The following LHFPL3 variants were observed in gnomAD, a reference collection of about 807,000 sequenced individuals.
LHFPL3 encodes LHFPL tetraspan subfamily member 3 protein.
In LHFPL3, 5 loss-of-function variants were observed where a neutral mutation model predicts 19.3. That is an observed-to-expected ratio of 0.26 (90% CI 0.14 to 0.54). LHFPL3 has a LOEUF of 0.54. LHFPL3 is among the 20% of genes least tolerant of loss of function. The pLI is 0.94. For missense variants in LHFPL3, 249 were observed against 307.4 expected (o/e 0.81, Z 1.42); for synonymous variants, 133 against 126.2 (o/e 1.05, Z -0.36).
intron 1 of LHFPL3, among the ~76,000 whole-genome samples, chr7:104,345,195 T>A (rs1264304913): frequency 6.6e-6 from 1 of 152,204 alleles, no homozygotes; most frequent in Non-Finnish European, 1.5e-5. Context: ...TGTGTTGGCA[T>A]AAAGCTGCTC....
At chr7:104,684,405 A>G (rs1358447387) in intron 1 of LHFPL3, among the ~76,000 whole-genome samples, 1 of 152,388 alleles carries the variant, frequency 6.6e-6, no homozygotes, top group Admixed American at 6.5e-5. Context: ...GACTGTTGCA[A>G]CTGCTCAATT....
intron 1 of LHFPL3, among the ~76,000 whole-genome samples, chr7:104,693,664 G>A (rs1279789958): frequency 2.6e-5 from 4 of 151,578 alleles, no homozygotes; most frequent in African/African-American, 7.3e-5. Flanking sequence ...CAAACATGAG[G>A]AACTGTGAGT....
intron 1 of LHFPL3, among the ~76,000 whole-genome samples, chr7:104,551,244 C>A (rs1020746314): frequency 6.6e-6 from 1 of 152,140 alleles, no homozygotes; most frequent in African/African-American, 2.4e-5. Context: ...GGCTTTATTT[C>A]TTTGAGCTTA....
At chr7:104,763,522 G>T (rs1794409922) in intron 2 of LHFPL3, among the ~76,000 whole-genome samples, 1 of 152,232 alleles carries the variant, frequency 6.6e-6, no homozygotes, top group African/African-American at 2.4e-5. Flanking sequence ...CAGACTCCCT[G>T]CAGTGCAGCC....
chr7:104,871,097 G>C (rs926065424), intron 2 of LHFPL3, among the ~76,000 whole-genome samples: 2 of 152,188 alleles, frequency 1.3e-5, no homozygotes, highest in Non-Finnish European at 2.9e-5. Context: ...ACAGGGATAT[G>C]TTCTGAGAAA....
At chr7:104,524,559 A>C (rs1308885962) in intron 1 of LHFPL3, among the ~76,000 whole-genome samples, 1 of 152,168 alleles carries the variant, frequency 6.6e-6, no homozygotes, top group Non-Finnish European at 1.5e-5. Context: ...GGCCTAGCCC[A>C]GTGCTTCTCA....
intron 2 of LHFPL3, among the ~76,000 whole-genome samples, chr7:104,797,974 C>T (rs1229080327): frequency 1.3e-5 from 2 of 151,836 alleles, no homozygotes; most frequent in Admixed American, 6.6e-5. Flanking sequence ...AATAACGTCA[C>T]GGCAGCAGCT....
chr7:104,672,644 TCTC>T (rs1420304131), intron 1 of LHFPL3, among the ~76,000 whole-genome samples: 1 of 152,194 alleles, frequency 6.6e-6, no homozygotes, highest in African/African-American at 2.4e-5. Flanking sequence ...GTGTGTTTCT[TCTC>T]CTTCTCTATC....
intron 2 of LHFPL3, among the ~76,000 whole-genome samples, chr7:104,851,487 G>A (rs1791413864): frequency 1.3e-5 from 2 of 152,142 alleles, no homozygotes; most frequent in Non-Finnish European, 2.9e-5. Flanking sequence ...GAAACTGCTA[G>A]GGAAAAAAAT....
At chr7:104,376,711 G>C (rs987889329) in intron 1 of LHFPL3, among the ~76,000 whole-genome samples, 1 of 152,040 alleles carries the variant, frequency 6.6e-6, no homozygotes. Context: ...TACACTTCAC[G>C]GGCCAGGCTC....
intron 1 of LHFPL3, among the ~76,000 whole-genome samples, chr7:104,725,432 A>G (rs534414702): frequency 1.2e-4 from 19 of 152,330 alleles, no homozygotes; most frequent in Admixed American, 2.6e-4. Context: ...TTTGTAAAAT[A>G]AAAATATTCA....
chr7:104,603,141 TCC>T (rs1791017266), intron 1 of LHFPL3, among the ~76,000 whole-genome samples: 25 of 33,500 alleles, frequency 7.5e-4, no homozygotes, highest in Admixed American at 3.1e-3. Context: ...TTTTTTCCCT[TCC>T]TTCCTTCCTT....
chr7:104,690,988 A>G (rs1007667097), intron 1 of LHFPL3, among the ~76,000 whole-genome samples: 4 of 152,236 alleles, frequency 2.6e-5, no homozygotes, highest in African/African-American at 9.6e-5. Flanking sequence ...GATGAATCAC[A>G]GCGGAGGCCT....
chr7:104,803,930 C>T (rs1246073566), intron 2 of LHFPL3: 1 of 152,162 alleles, frequency 6.6e-6, no homozygotes, highest in Admixed American at 6.5e-5. Flanking sequence ...AGGCTTCTGT[C>T]ATCATGTTAG....
intron 1 of LHFPL3, among the ~76,000 whole-genome samples, chr7:104,545,598 T>C (rs1369707852): frequency 6.6e-6 from 1 of 152,242 alleles, no homozygotes; most frequent in Non-Finnish European, 1.5e-5. Context: ...GAGTTTGTTC[T>C]GATTGGCTCC....
At chr7:104,863,035 G>C (rs1356508421) in intron 2 of LHFPL3, among the ~76,000 whole-genome samples, 2 of 152,182 alleles carry the variant, frequency 1.3e-5, no homozygotes, top group African/African-American at 4.8e-5. Context: ...ACACAGAGCT[G>C]GAGTGATCCT....
intron 1 of LHFPL3, among the ~76,000 whole-genome samples, chr7:104,678,237 T>C (rs911415601): frequency 6.6e-6 from 1 of 152,226 alleles, no homozygotes; most frequent in African/African-American, 2.4e-5. Flanking sequence ...AAGTGTATAA[T>C]TGAAGAACTT....
At chr7:104,864,172 A>C (rs1468058030) in intron 2 of LHFPL3, among the ~76,000 whole-genome samples, 3 of 152,364 alleles carry the variant, frequency 2.0e-5, no homozygotes, top group African/African-American at 7.2e-5. Context: ...TCCAGTCTAC[A>C]GCTCCCAGCA....
chr7:104,744,202 T>C (rs768196938), intron 2 of LHFPL3: 1 of 152,162 alleles, frequency 6.6e-6, no homozygotes, highest in Non-Finnish European at 1.5e-5. Context: ...AAGAGTTTGG[T>C]CTTATTTTTA....
Sources: gnomAD v4.1 joint callset for allele counts (sites outside exome capture counted in the v4.1 genomes callset) on GRCh38, gnomAD v4.1.1 for gene constraint, MANE v1.5 for transcripts, NCBI Gene and HGNC (gene_info 2026-07-23, HGNC 2026-07-21) for gene names.